Variants in P4HA3 observed in about 807,000 individuals in gnomAD.
P4HA3 encodes prolyl 4-hydroxylase subunit alpha 3.
A neutral mutation model predicts 66.7 loss-of-function variants in P4HA3; 60 were observed. The observed-to-expected ratio is 0.90, with a 90% CI of 0.73 to 1.12. The LOEUF (loss-of-function observed/expected upper bound fraction) is 1.12, where lower values mean the gene tolerates loss of function less well. Ranked by LOEUF, P4HA3 falls within the 50% of genes most tolerant of loss-of-function variation. The probability of loss-of-function intolerance (pLI) is 0.00; values close to 1 mark genes in which losing one functional copy is unlikely to be tolerated. For synonymous variants in P4HA3, 263 were observed against 274.6 expected (o/e 0.96, Z 0.42); for missense variants, 683 against 685.8 (o/e 1.00, Z 0.05).
intron 7 of P4HA3, among the ~76,000 whole-genome samples, chr11:74,280,241 A>G (rs1442837427): frequency 6.6e-6 from 1 of 151,732 alleles, no homozygotes; most frequent in Non-Finnish European, 1.5e-5. Flanking sequence ...ACAGCCTCCA[A>G]CTCCTAGACT....
rs576455842 is a variant in P4HA3, at chr11:74,281,994, G to C, written c.1111-2542C>G. 3.3e-5 allele frequency among the ~76,000 whole-genome samples: 5 copies of C among 151,422 alleles called. No homozygotes were observed. The South Asian group carries it at 1.0e-3, about 32-fold the overall frequency. On this transcript the variant is annotated intron_variant, in intron 7 of 12. Coordinates refer to ENST00000331597, the MANE Select transcript of P4HA3 (RefSeq NM_182904.5). ...TCTCACATGTGGCTCTACAATCTTAGGAAGCAGGAAATCAGAAGGGGATTG... is the reference window on the plus strand; with the variant it reads ...TCTCACATGTGGCTCTACAATCTTACGAAGCAGGAAATCAGAAGGGGATTG...
At chr11:74,284,002 C>T (rs1860696880) in intron 7 of P4HA3, among the ~76,000 whole-genome samples, 1 of 152,256 alleles carries the variant, frequency 6.6e-6, no homozygotes, top group Non-Finnish European at 1.5e-5. Context: ...CTTCATCTCA[C>T]TGTAAAAGCC....
In P4HA3 at chr11:74,260,998, G is replaced by A. The variant is rs144741960; in HGVS notation, c.*1105-862C>T. ...GCGATGCCCCCTGCCCAGGCCTCAC[G>A]TGGCCACAGACCTGCCTCTAGAGGT... On this transcript the variant is annotated intron_variant and NMD_transcript_variant, in intron 14 of 15. Coordinates refer to the P4HA3 transcript ENST00000524388. Among the ~76,000 whole-genome samples the A allele has an allele frequency of 3.3e-3, 506 of 152,272 alleles. 3 individuals carry two copies. In the Middle Eastern group the frequency reaches 0.034, roughly 10 times the overall value.
At chr11:74,301,893 T>C (rs1047032332) in intron 3 of P4HA3, among the ~76,000 whole-genome samples, 10 of 152,298 alleles carry the variant, frequency 6.6e-5, no homozygotes, top group South Asian at 6.2e-4. Flanking sequence ...CAGGAGGCTG[T>C]TTCCGTGATC....
chr11:74,271,706 G>C (rs910246717), intron 10 of P4HA3, among the ~76,000 whole-genome samples: 1 of 152,002 alleles, frequency 6.6e-6, no homozygotes, highest in Non-Finnish European at 1.5e-5. Flanking sequence ...TCACCAACTG[G>C]ACTTCAACTC....
intron 4 of P4HA3, among the ~76,000 whole-genome samples, chr11:74,290,788 T>C (rs1860991839): frequency 6.6e-6 from 1 of 152,218 alleles, no homozygotes; most frequent in South Asian, 2.1e-4. Flanking sequence ...AGCTCTGTTC[T>C]GTTCCATTGG....
intron 4 of P4HA3, among the ~76,000 whole-genome samples, chr11:74,293,868 C>T (rs1041831025): frequency 5.7e-4 from 87 of 152,208 alleles, no homozygotes; most frequent in African/African-American, 2.1e-3. Flanking sequence ...TTCTCTCTGG[C>T]TGCCCTTAAC....
At position 74,289,074 on chromosome 11, in the gene P4HA3, C is replaced by T. The variant is rs1009488437; in HGVS notation, c.769+5G>A. 5.8e-6 allele frequency: 9 copies of T among 1,556,606 alleles called. No homozygotes were observed. The highest frequency in any genetic ancestry group is 7.8e-6 in the Non-Finnish European group (9 of 1,152,806). ...TGGCTGGCTTATCTTTTATCCATTA[C>T]GTACTGTAGAGAAGAAACTCCCGAG... On this transcript the variant is annotated splice_donor_5th_base_variant and intron_variant, in intron 5 of 12. Transcript: ENST00000331597.
intron 10 of P4HA3, among the ~76,000 whole-genome samples, chr11:74,272,508 G>GATC (rs1860240205): frequency 6.6e-6 from 1 of 152,164 alleles, no homozygotes; most frequent in South Asian, 2.1e-4. Context: ...ACCTCAGAAT[G>GATC]ATCAGAATGA....
intron 9 of P4HA3, among the ~76,000 whole-genome samples, chr11:74,275,624 C>T (rs10898974): frequency 0.15 from 23,553 of 152,086 alleles, 2,124 homozygotes; most frequent in East Asian, 0.3. Context: ...CCAATTTGTT[C>T]TTCTTTTTCA....
intron 15 of P4HA3, chr11:74,250,712 T>A: frequency 2.1e-6 from 1 of 481,238 alleles, no homozygotes. Flanking sequence ...CTTCTATGTG[T>A]CTCTGGCCCA....
chr11:74,269,784 A>T, intron 10 of P4HA3, 64 bp from the exon 11 acceptor site: 1 of 1,478,392 alleles, frequency 6.8e-7, no homozygotes, highest in Non-Finnish European at 9.4e-7. Context: ...CTGTCATATG[A>T]TGTCACATCT....
At chr11:74,269,408 G>A (rs1162489780) in intron 11 of P4HA3, among the ~76,000 whole-genome samples, 2 of 152,208 alleles carry the variant, frequency 1.3e-5, no homozygotes, top group Non-Finnish European at 2.9e-5. Flanking sequence ...TGACAGGGAA[G>A]ACAGACATGT....
rs199918370 is a variant in P4HA3 at position 74,289,440 on chromosome 11, TC to T, written c.718-311del. Among the ~76,000 whole-genome samples the T allele has an allele frequency of 4.4e-3, 671 of 152,142 alleles. 4 individuals are homozygous for T. The highest frequency in any genetic ancestry group is 0.015 in the African/African-American group (603 of 41,486). On this transcript the variant is annotated intron_variant, in intron 4 of 12. Coordinates refer to ENST00000331597, the MANE Select transcript of P4HA3 (RefSeq NM_182904.5). ...TTTTGTTTTCTGTTGAATTGTTTTT[TC>T]TTTTAATTTTATTATTATTATACTT...
intron 3 of P4HA3, among the ~76,000 whole-genome samples, 197 bp from the exon 4 acceptor site, chr11:74,298,558 A>G (rs926303525): frequency 6.6e-6 from 1 of 152,272 alleles, no homozygotes; most frequent in East Asian, 1.9e-4. Flanking sequence ...GGGTTCTTGC[A>G]CTTAAGGAAT....
At chr11:74,301,161 G>T (rs1861395192) in intron 3 of P4HA3, among the ~76,000 whole-genome samples, 1 of 151,976 alleles carries the variant, frequency 6.6e-6, no homozygotes, top group South Asian at 2.1e-4. Context: ...TTTTAAAAAT[G>T]AAACAAACAT....
At chr11:74,289,796 T>C (rs753109910) in intron 4 of P4HA3, among the ~76,000 whole-genome samples, 29 of 152,192 alleles carry the variant, frequency 1.9e-4, no homozygotes, top group Non-Finnish European at 3.5e-4. Flanking sequence ...TATGGCTGCA[T>C]AGTATTCCCT....
At chr11:74,278,544 A>G (rs1271165733) in intron 8 of P4HA3, among the ~76,000 whole-genome samples, 1 of 152,228 alleles carries the variant, frequency 6.6e-6, no homozygotes, top group Non-Finnish European at 1.5e-5. Context: ...GTGGAGAAAG[A>G]AAGTAGTTTC....
intron 1 of P4HA3, among the ~76,000 whole-genome samples, chr11:74,308,169 T>C (rs990370266): frequency 2.0e-5 from 3 of 151,992 alleles, no homozygotes; most frequent in African/African-American, 7.3e-5. Context: ...AATCACCAGA[T>C]TGGGAGTATA....
Sources: gnomAD v4.1 joint callset for allele counts (sites outside exome capture counted in the v4.1 genomes callset) on GRCh38, gnomAD v4.1.1 for gene constraint, MANE v1.5 for transcripts, NCBI Gene and HGNC (gene_info 2026-07-23, HGNC 2026-07-21) for gene names.